The following CCDC91 variants were observed in gnomAD, a reference collection of about 807,000 sequenced individuals.
CCDC91 encodes coiled-coil domain containing 91, also known as coiled-coil domain-containing protein 91.
Under a neutral mutation model 63.2 loss-of-function variants are expected in CCDC91, and 48 were observed. That is an observed-to-expected ratio of 0.76 (90% CI 0.60 to 0.97). The LOEUF is 0.97. CCDC91 is among the 50% of genes least tolerant of loss of function. CCDC91 has a pLI of 0.00. For missense variants in CCDC91, 500 were observed against 494.6 expected, an observed-to-expected ratio of 1.01 and a Z score of -0.10; for synonymous variants, 167 against 165.8, an observed-to-expected ratio of 1.01 and a Z score of -0.06.
intron 12 of CCDC91, among the ~76,000 whole-genome samples, chr12:28,540,842 T>C (rs1942578212): frequency 6.6e-6 from 1 of 152,076 alleles, no homozygotes; most frequent in Non-Finnish European, 1.5e-5. Context: ...CTTGGATTGC[T>C]TATTTTGGGG....
At chr12:28,278,015 T>G (rs1403568769) in intron 3 of CCDC91, among the ~76,000 whole-genome samples, 1 of 152,064 alleles carries the variant, frequency 6.6e-6, no homozygotes, top group Non-Finnish European at 1.5e-5. Flanking sequence ...CTGGTTGTGC[T>G]ATTCAGCTAA....
At chr12:28,381,940 G>A (rs147633254) in intron 7 of CCDC91, among the ~76,000 whole-genome samples, 1 of 152,172 alleles carries the variant, frequency 6.6e-6, no homozygotes, top group African/African-American at 2.4e-5. Flanking sequence ...TCTGGGGATG[G>A]CATCTCTTCT....
At chr12:28,359,782 C>CTTTCTTTTTTT (rs1565853546) in intron 6 of CCDC91, among the ~76,000 whole-genome samples, 3 of 152,090 alleles carry the variant, frequency 2.0e-5, no homozygotes, top group African/African-American at 7.2e-5. Context: ...CAGAATATTT[C>CTTTCTTTTTTT]TATTTACTTT....
intron 11 of CCDC91, among the ~76,000 whole-genome samples, chr12:28,470,008 A>G (rs745887372): frequency 2.0e-5 from 3 of 152,174 alleles, no homozygotes; most frequent in Non-Finnish European, 4.4e-5. Flanking sequence ...AAAGCTCTCC[A>G]AAACATTGAA....
At chr12:28,194,426 T>C (rs1464714072) in intron 1 of CCDC91, among the ~76,000 whole-genome samples, 4 of 152,184 alleles carry the variant, frequency 2.6e-5, no homozygotes, top group Non-Finnish European at 5.9e-5. Flanking sequence ...TTCTTGAAGA[T>C]GGTGTGTCCG....
chr12:28,227,304 A>G (rs116415137), intron 1 of CCDC91, among the ~76,000 whole-genome samples: 2,249 of 152,252 alleles, frequency 0.015, 67 homozygotes, highest in African/African-American at 0.051. Context: ...AAGTAGCTAC[A>G]TAGATTTTTT....
chr12:28,314,678 T>G (rs1939659286), intron 6 of CCDC91, among the ~76,000 whole-genome samples: 1 of 152,072 alleles, frequency 6.6e-6, no homozygotes, highest in African/African-American at 2.4e-5. Flanking sequence ...TTGTCAGAAT[T>G]GTAGTCTGAC....
At chr12:28,243,659 CATAA>C (rs1945505998) in intron 1 of CCDC91, among the ~76,000 whole-genome samples, 1 of 151,972 alleles carries the variant, frequency 6.6e-6, no homozygotes, top group South Asian at 2.1e-4. Context: ...AGATATATAA[CATAA>C]ATCAGAGATT....
At chr12:28,419,586 G>A (rs1947880576) in intron 8 of CCDC91, among the ~76,000 whole-genome samples, 1 of 152,104 alleles carries the variant, frequency 6.6e-6, no homozygotes, top group Non-Finnish European at 1.5e-5. Flanking sequence ...TTTATTGACA[G>A]ACGTTTTGTA....
intron 3 of CCDC91, among the ~76,000 whole-genome samples, chr12:28,269,706 T>C (rs1055874636): frequency 6.6e-6 from 1 of 152,188 alleles, no homozygotes; most frequent in Admixed American, 6.6e-5. Context: ...TTCCTGAATA[T>C]CAATAAAACA....
At chr12:28,496,768 A>G (rs1952306132) in intron 12 of CCDC91, among the ~76,000 whole-genome samples, 1 of 151,162 alleles carries the variant, frequency 6.6e-6, no homozygotes, top group Admixed American at 6.6e-5. Context: ...TCTACAGTTA[A>G]TGCCTAAGTT....
intron 6 of CCDC91, among the ~76,000 whole-genome samples, chr12:28,335,828 T>C (rs1159210723): frequency 6.6e-6 from 1 of 152,114 alleles, no homozygotes; most frequent in African/African-American, 2.4e-5. Context: ...TTTTAGAGAT[T>C]ATATTAACTC....
At chr12:28,197,451 C>T (rs1353417254) in intron 1 of CCDC91, among the ~76,000 whole-genome samples, 1 of 152,090 alleles carries the variant, frequency 6.6e-6, no homozygotes, top group Admixed American at 6.5e-5. Flanking sequence ...TGCCTAGCTT[C>T]ATGTAAAACC....
At chr12:28,390,324 C>T (rs1488294579) in intron 7 of CCDC91, among the ~76,000 whole-genome samples, 2 of 151,304 alleles carry the variant, frequency 1.3e-5, no homozygotes, top group African/African-American at 4.9e-5. Context: ...GTGAATATGC[C>T]AACGGTCTGT....
At chr12:28,407,957 TATATA>T (rs1334814317) in intron 8 of CCDC91, among the ~76,000 whole-genome samples, 2 of 113,878 alleles carry the variant, frequency 1.8e-5, no homozygotes, top group South Asian at 3.1e-4. Flanking sequence ...TATACATATA[TATATA>T]TATTTTTTTT....
intron 11 of CCDC91, among the ~76,000 whole-genome samples, chr12:28,458,391 A>G (rs1164927463): frequency 2.0e-5 from 3 of 146,380 alleles, no homozygotes; most frequent in Non-Finnish European, 4.5e-5. Context: ...AACATCTGCC[A>G]AGTTTTTCAG....
chr12:28,335,555 A>AT (rs1941911802), intron 6 of CCDC91, among the ~76,000 whole-genome samples: 2 of 150,962 alleles, frequency 1.3e-5, no homozygotes, highest in African/African-American at 4.9e-5. Context: ...CTACAGGTGC[A>AT]TGCCACCGTG....
intron 8 of CCDC91, among the ~76,000 whole-genome samples, chr12:28,395,791 C>A (rs980413091): frequency 2.0e-5 from 3 of 152,134 alleles, no homozygotes; most frequent in Non-Finnish European, 4.4e-5. Context: ...TAAGTTACAC[C>A]TATATAATGA....
chr12:28,510,224 G>T (rs1001347898), intron 12 of CCDC91, among the ~76,000 whole-genome samples: 5 of 106,464 alleles, frequency 4.7e-5, no homozygotes, highest in Non-Finnish European at 9.6e-5. Flanking sequence ...CAGAGAGACA[G>T]AGTCAATAGG....
Sources: gnomAD v4.1 joint callset for allele counts (sites outside exome capture counted in the v4.1 genomes callset) on GRCh38, gnomAD v4.1.1 for gene constraint, MANE v1.5 for transcripts, NCBI Gene and HGNC (gene_info 2026-07-23, HGNC 2026-07-21) for gene names.